Variants in MAP4 observed in about 807,000 individuals in gnomAD.
The protein encoded by MAP4 is microtubule associated protein 4, also known as microtubule-associated protein 4.
Under a neutral mutation model 170.2 loss-of-function variants are expected in MAP4, and 76 were observed. The ratio of observed to expected loss-of-function variants is 0.45; its 90% CI spans 0.37 to 0.54. MAP4 has a LOEUF of 0.54. Ranked by LOEUF, MAP4 falls within the 20% of genes least tolerant of loss-of-function variation. The probability of loss-of-function intolerance (pLI) is 0.00; values close to 1 mark genes in which losing one functional copy is unlikely to be tolerated. For synonymous variants in MAP4, 909 were observed against 994.5 expected (o/e 0.91, Z 1.62); for missense variants, 2,506 against 2,748.0 (o/e 0.91, Z 1.97).
In MAP4 at chr3:47,911,312, G is replaced by A. The variant is rs1403348167; in HGVS notation, c.3109C>T (p.Gln1037Ter). ...GGGACCTGTACCAACACTTGGCCCTGCAGCTGCTCAGAAGTAAAGATGCTG... is the reference window on the plus strand; with the variant it reads ...GGGACCTGTACCAACACTTGGCCCTACAGCTGCTCAGAAGTAAAGATGCTG... ...EISIFTSEQL[Q>*]GQVLVQVPGV... The change falls in exon 9 of 21, where the codon CAG becomes TAG. Residue 1037 changes from glutamine to a stop codon, truncating the protein, a stop_gained. Coordinates refer to ENST00000683076, the MANE Select transcript of MAP4 (RefSeq NM_001385682.1). LOFTEE classifies it high-confidence loss of function. This position sits in a 1 kb window ranked among gnomAD's most constrained non-coding sequence, Gnocchi z 4.0. The A allele has an allele frequency of 6.5e-7, 1 of 1,536,102 alleles. No homozygotes were observed. Among genetic ancestry groups the A allele is most frequent in the Non-Finnish European group, 8.7e-7 (1 of 1,146,914 alleles).
At chr3:48,037,732 T>C (rs2100119454) in intron 1 of MAP4, among the ~76,000 whole-genome samples, 1 of 151,932 alleles carries the variant, frequency 6.6e-6, no homozygotes, top group Non-Finnish European at 1.5e-5. Flanking sequence ...CCTACCTCCA[T>C]CCCTATGAAA....
chr3:47,964,544 G>A (rs2100073685), intron 3 of MAP4, among the ~76,000 whole-genome samples: 1 of 152,000 alleles, frequency 6.6e-6, no homozygotes, highest in Non-Finnish European at 1.5e-5. Flanking sequence ...ATTCAGTTTA[G>A]AACATTTCAA....
intron 18 of MAP4, 27 bp downstream of exon 18, chr3:47,857,404 C>G (rs2058345718): frequency 6.3e-7 from 1 of 1,598,080 alleles, no homozygotes; most frequent in Non-Finnish European, 8.6e-7. Flanking sequence ...CCCTGGAGAC[C>G]CAGTGGGCAA....
chr3:47,871,895 G>A lies in MAP4; in HGVS notation c.5941+22C>T, dbSNP rs746457374. The A allele has an allele frequency of 1.9e-6, 3 of 1,591,992 alleles. No homozygotes were observed. The East Asian group carries it at 6.8e-5, about 36-fold the overall frequency. ...CCATTTTCCCCTCCCTAGTTCCCAT[G>A]GGAGAGAAAGGCAATACTCACCAGT... On this transcript the variant is annotated intron_variant, in intron 13 of 20. Coordinates refer to ENST00000683076, the MANE Select transcript of MAP4 (RefSeq NM_001385682.1).
chr3:48,016,019 A>C (rs1295820601), intron 1 of MAP4, among the ~76,000 whole-genome samples: 1 of 152,180 alleles, frequency 6.6e-6, no homozygotes, highest in Non-Finnish European at 1.5e-5. Context: ...AAACTGATGG[A>C]ATTTCCAGGC....
At chr3:47,872,177 TTTTG>T (rs894793807) in intron 12 of MAP4, 77 bp from the exon 13 acceptor site, 6 of 1,288,938 alleles carry the variant, frequency 4.7e-6, no homozygotes, top group African/African-American at 1.5e-5. Flanking sequence ...ATGCTTCTTT[TTTTG>T]TTTGTTTTGT....
intron 10 of MAP4, among the ~76,000 whole-genome samples, chr3:47,886,338 T>A (rs2097584404): frequency 6.6e-6 from 1 of 152,180 alleles, no homozygotes; most frequent in African/African-American, 2.4e-5. Context: ...TCTTGATCTA[T>A]CTCCCAGGCT....
chr3:48,080,631 G>A (rs551487345), intron 1 of MAP4, among the ~76,000 whole-genome samples: 35 of 152,268 alleles, frequency 2.3e-4, no homozygotes, highest in South Asian at 8.3e-4. Flanking sequence ...AGGATTGCTT[G>A]AGGCCAGGAA....
intron 10 of MAP4, 150 bp downstream of exon 10, chr3:47,902,800 T>G (rs2100030860): frequency 5.5e-6 from 1 of 182,236 alleles, no homozygotes; most frequent in Non-Finnish European, 1.0e-5. Flanking sequence ...AAATGGGTAC[T>G]TCTCCAGTTG....
chr3:47,855,210 CCTCCCCAGCTGTGT>C lies in MAP4; in HGVS notation c.6696+24_6696+37del. On this transcript the variant is annotated intron_variant, in intron 19 of 20. Coordinates refer to ENST00000683076, the MANE Select transcript of MAP4 (RefSeq NM_001385682.1). The surrounding 1 kb of genome is among the most constrained non-coding windows in gnomAD (Gnocchi z 5.1). ...TGACCCTAACTGCATAGTTCCCACC[CCTCCCCAGCTGTGT>C]CTCCCCAGTGACCCACTCGCTACCT... 4 of 1,453,538 alleles carry C rather than the reference CCTCCCCAGCTGTGT, an allele frequency of 2.8e-6. No homozygotes were observed. Among genetic ancestry groups the C allele is most frequent in the Non-Finnish European group, 3.9e-6 (4 of 1,034,092 alleles). The allele number at this position is 1,453,538 out of a possible 1,614,324, so 90.0% of individuals were successfully genotyped here.
rs2043837873 is a variant in MAP4, at chr3:47,852,301, T to G, written c.*633A>C. The G allele has an allele frequency of 6.2e-6, 1 of 160,820 alleles. No homozygotes were observed. The highest frequency in any genetic ancestry group is 1.3e-5 in the Non-Finnish European group (1 of 74,282). The allele number at this position is 160,820 out of a possible 1,614,324, so 10.0% of individuals were successfully genotyped here. ...ATGTGACAGCAGCTAGGCGGGTATG[T>G]TAAGCATGGGGACAGGCAGCACTGA... On this transcript the variant is annotated 3_prime_UTR_variant, in exon 21 of 21. Coordinates refer to ENST00000683076, the MANE Select transcript of MAP4 (RefSeq NM_001385682.1).
At chr3:47,947,278 A>AG (rs1203453674) in intron 3 of MAP4, among the ~76,000 whole-genome samples, 1 of 152,130 alleles carries the variant, frequency 6.6e-6, no homozygotes, top group African/African-American at 2.4e-5. Flanking sequence ...GGGTCCTTGG[A>AG]GGGGTTTTCC....
intron 2 of MAP4, among the ~76,000 whole-genome samples, chr3:47,983,071 A>AT (rs1367184188): frequency 2.6e-5 from 4 of 151,906 alleles, no homozygotes; most frequent in Admixed American, 6.6e-5. Flanking sequence ...CTCTCAGCTA[A>AT]TTTTTTTATC....
chr3:48,082,588 G>A (rs1302867501), intron 1 of MAP4, among the ~76,000 whole-genome samples: 1 of 152,126 alleles, frequency 6.6e-6, no homozygotes, highest in Non-Finnish European at 1.5e-5. Flanking sequence ...GACTGCATGA[G>A]GCCAGGAGTT....
At chr3:47,981,243 CA>C (rs2100085251) in intron 2 of MAP4, among the ~76,000 whole-genome samples, 1 of 152,070 alleles carries the variant, frequency 6.6e-6, no homozygotes, top group Non-Finnish European at 1.5e-5. Context: ...AGGAAGATAA[CA>C]GGTATCTAAT....
At position 48,087,741 on chromosome 3, in the gene MAP4, ACGCG is replaced by A. The variant is rs5848844; in HGVS notation, c.-20+1028_-20+1031del. Among the ~76,000 whole-genome samples, 462 of 125,244 alleles carry A rather than the reference ACGCG, an allele frequency of 3.7e-3. 1 individual carries two copies. Among genetic ancestry groups the A allele is most frequent in the Non-Finnish European group, 5.2e-3 (312 of 59,566 alleles). 82.2% of individuals were successfully genotyped at this position (125,244 alleles called of 152,430 possible). A position where few individuals can be genotyped will look rare whatever the true frequency, so the allele number is the denominator to read the frequency against. On this transcript the variant is annotated intron_variant, in intron 1 of 18. Coordinates refer to the MAP4 transcript ENST00000360240. ...TACACACGCACGCGCACACACACGC[ACGCG>A]CACACACACACACACACACACACAC...
intron 1 of MAP4, among the ~76,000 whole-genome samples, chr3:48,011,965 C>T (rs918186205): frequency 6.6e-6 from 1 of 152,130 alleles, no homozygotes; most frequent in Non-Finnish European, 1.5e-5. Context: ...CAGTGAAACC[C>T]GAACTTTAAT....
At chr3:48,073,880 A>G (rs2100142287) in intron 1 of MAP4, among the ~76,000 whole-genome samples, 1 of 152,226 alleles carries the variant, frequency 6.6e-6, no homozygotes, top group Non-Finnish European at 1.5e-5. Flanking sequence ...TAGTTCAACC[A>G]TTGTGGACTA....
intron 10 of MAP4, among the ~76,000 whole-genome samples, chr3:47,884,942 A>C (rs777956048): frequency 2.5e-4 from 38 of 152,080 alleles, no homozygotes; most frequent in Non-Finnish European, 5.1e-4. Context: ...ATGTGGGCGG[A>C]CCAGGCCTAT....
Sources: gnomAD v4.1 joint callset for allele counts (sites outside exome capture counted in the v4.1 genomes callset) on GRCh38, gnomAD v4.1.1 for gene constraint, Gnocchi (gnomAD v3.1) non-coding constraint, MANE v1.5 for transcripts, NCBI Gene and HGNC (gene_info 2026-07-23, HGNC 2026-07-21) for gene names.